AHNAK: variants seen among roughly 807,000 people sequenced by gnomAD.
AHNAK encodes AHNAK nucleoprotein.
In AHNAK, 23 loss-of-function variants were observed where a neutral mutation model predicts 37.8. The ratio of observed to expected loss-of-function variants is 0.61; its 90% CI spans 0.44 to 0.86. The LOEUF (loss-of-function observed/expected upper bound fraction) is 0.86. AHNAK is among the 40% of genes least tolerant of loss of function. The pLI is 0.00. For missense variants in AHNAK, 7,411 were observed against 7,319.4 expected (o/e 1.01, Z -0.46); for synonymous variants, 2,481 against 2,636.3 (o/e 0.94, Z 1.80).
Position 62,520,984 on chromosome 11 carries a change from T to G in AHNAK, c.13433A>C (p.Asp4478Ala). 6.2e-7 allele frequency: 1 copy of G among 1,614,122 alleles called. No homozygotes were observed. The highest frequency in any genetic ancestry group is 8.5e-7 in the Non-Finnish European group (1 of 1,180,022). The change falls in exon 5 of 5, where the codon GAT becomes GCT. Residue 4478 changes from aspartate (D) to alanine (A), a missense_variant. By Grantham distance (126) the Asp-to-Ala change is moderately radical. Transcript: ENST00000378024. The stretch of plus-strand genomic sequence containing the variant: ...ACTTTCCACCTTAGGTAGTGAAACA[T>G]CCACATCACCCTTCACCTTGGGACC... ...LKGPKVKGDV[D>A]VSLPKVESDL... is the part of the protein sequence containing the mutation.
intron 5 of AHNAK, among the ~76,000 whole-genome samples, chr11:62,456,298 A>G (rs1590596157): frequency 6.6e-6 from 1 of 152,208 alleles, no homozygotes; most frequent in South Asian, 2.1e-4. Flanking sequence ...AGCCCTCATC[A>G]TTGGCCTTTG....
intron 4 of AHNAK, among the ~76,000 whole-genome samples, chr11:62,498,614 A>AC (rs1565214919): frequency 3.3e-5 from 5 of 150,738 alleles, no homozygotes; most frequent in Non-Finnish European, 7.4e-5. Flanking sequence ...AAAAAAAAAA[A>AC]GAAATTTTTT....
chr11:62,454,947 G>A (rs1189977106), intron 5 of AHNAK, among the ~76,000 whole-genome samples: 1 of 109,084 alleles, frequency 9.2e-6, no homozygotes, highest in Admixed American at 1.0e-4. Context: ...TTTTTTTTTT[G>A]AGATGGAGTT....
Position 62,536,195 on chromosome 11 carries a change from G to T in AHNAK, c.1-97C>A, listed in dbSNP as rs1057066203. 6 of 1,365,874 alleles carry T rather than the reference G, an allele frequency of 4.4e-6. No homozygotes were observed. The African/African-American group carries it at 4.5e-5, about 10-fold the overall frequency. 84.6% of individuals were successfully genotyped at this position (1,365,874 alleles called of 1,614,324 possible). A position where few individuals can be genotyped will look rare whatever the true frequency, so the allele number is the denominator to read the frequency against. On this transcript the variant is annotated intron_variant, in intron 2 of 4. Transcript: ENST00000378024. ...AATCTCTGGCGCTGTGAACTCCAGG[G>T]AGTGGGGCCCTCAGCAATGCACCTG...
chr11:62,442,893 C>T (rs1938339098), intron 5 of AHNAK, among the ~76,000 whole-genome samples: 1 of 151,512 alleles, frequency 6.6e-6, no homozygotes, highest in Non-Finnish European at 1.5e-5. Flanking sequence ...AAATATTAAA[C>T]AAATTGTAGT....
chr11:62,531,295 A>C lies in AHNAK; in HGVS notation c.3122T>G (p.Leu1041Arg). 1 of 1,613,622 alleles carries C rather than the reference A, an allele frequency of 6.2e-7. No individual in the cohort carries two copies. ...APKVDTNAPD[L>R]SLEGPEGKLK... ...CTTCCCTTCAGGTCCTTCAAGGCTC[A>C]GATCTGGAGCATTAGTATCTACTTT... is the stretch of plus-strand genomic sequence containing the variant. The change falls in exon 5 of 5, where the codon CTG (leucine) becomes CGG (arginine). Residue 1041 changes from leucine (L) to arginine (R), a missense_variant. Transcript: ENST00000378024.
At chr11:62,433,666 T>C in exon 6 of AHNAK, 3 of 614,432 alleles carry the variant, frequency 4.9e-6, no homozygotes, top group Non-Finnish European at 8.5e-6. Flanking sequence ...AGTAAAGAAA[T>C]GCACCAAGCA....
Position 62,530,192 on chromosome 11 carries a change from C to A in AHNAK, c.4225G>T (p.Ala1409Ser). Residue 1409 changes from alanine to serine, a missense_variant, in exon 5 of 5, where the codon GCT becomes TCT. By Grantham distance (99) the Ala-to-Ser change is moderately conservative (BLOSUM62 1). Transcript: ENST00000378024. ...GPEVDVKLPK[A>S]DVDVSGPKMD... ...TTGGGTCCTGAGACATCAACGTCAG[C>A]TTTGGGCAGCTTCACATCCACTTCA... is the stretch of plus-strand genomic sequence containing the variant. The A allele has an allele frequency of 1.9e-6, 3 of 1,613,324 alleles. No individual in the cohort carries two copies. The highest frequency in any genetic ancestry group is 2.5e-6 in the Non-Finnish European group (3 of 1,179,876).
chr11:62,455,276 T>G (rs1327464698), intron 5 of AHNAK, among the ~76,000 whole-genome samples: 1 of 151,968 alleles, frequency 6.6e-6, no homozygotes, highest in African/African-American at 2.4e-5. Flanking sequence ...CTAGAAGGCC[T>G]GAAATGGCTT....
chr11:62,439,965 G>C (rs1938268631), intron 5 of AHNAK, among the ~76,000 whole-genome samples: 1 of 152,180 alleles, frequency 6.6e-6, no homozygotes, highest in Non-Finnish European at 1.5e-5. Context: ...ACTGTGCCCG[G>C]CCGCATTTGT....
At position 62,527,708 on chromosome 11, in the gene AHNAK, G is replaced by T. The variant is rs7112976; in HGVS notation, c.6709C>A (p.Pro2237Thr). ...IDAPDVDVHGPDWHLKMPKMK... is the reference protein window; with the variant it reads ...IDAPDVDVHGTDWHLKMPKMK... ...TTAGGCATCTTCAGGTGCCAGTCTG[G>T]GCCATGAACATCCACATCTGGGGCA... The change falls in exon 5 of 5, where the codon CCA (proline) becomes ACA (threonine). Residue 2237 changes from proline (P) to threonine (T), a missense_variant. Physicochemically the swap from Pro to Thr is conservative, Grantham distance 38 (BLOSUM62 -1). Coordinates refer to ENST00000378024, the MANE Select transcript of AHNAK (RefSeq NM_001620.3). 293 of 1,613,950 alleles carry T rather than the reference G, an allele frequency of 1.8e-4. 3 individuals carry two copies. In the African/African-American group the frequency reaches 3.6e-3, roughly 20 times the overall value.
chr11:62,525,505 T>G lies in AHNAK; in HGVS notation c.8912A>C (p.His2971Pro). ...PKIPMPDFDL[H>P]LKGPKVKGDV... ...GCCCTTCACCTTGGGACCTTTCAGATGCAAATCAAAGTCAGGCATGGGGAT... is the reference window on the plus strand; with the variant it reads ...GCCCTTCACCTTGGGACCTTTCAGAGGCAAATCAAAGTCAGGCATGGGGAT... Residue 2971 changes from histidine (H) to proline (P), a missense_variant, in exon 5 of 5, where the codon CAT (histidine) becomes CCT (proline). Transcript: ENST00000378024. 1.2e-6 allele frequency: 2 copies of G among 1,613,882 alleles called. No homozygotes were observed. Among genetic ancestry groups the G allele is most frequent in the Non-Finnish European group, 1.7e-6 (2 of 1,179,986 alleles).
At chr11:62,536,877 T>C (rs1348780278) in intron 1 of AHNAK, among the ~76,000 whole-genome samples, 2 of 152,076 alleles carry the variant, frequency 1.3e-5, no homozygotes, top group African/African-American at 4.8e-5. Flanking sequence ...GGAGAAAAAA[T>C]AGAGCACTGG....
chr11:62,464,138 T>C (rs1938854493), intron 5 of AHNAK, among the ~76,000 whole-genome samples: 2 of 150,950 alleles, frequency 1.3e-5, no homozygotes, highest in Admixed American at 1.3e-4. Flanking sequence ...AGTGATCCTC[T>C]CTCCTCAGCC....
In AHNAK at chr11:62,526,929, T is replaced by C; in HGVS notation, c.7488A>G (p.Val2496=). 3 of 1,614,188 alleles carry C rather than the reference T, an allele frequency of 1.9e-6. No homozygotes were observed. The highest frequency in any genetic ancestry group is 2.5e-6 in the Non-Finnish European group (3 of 1,180,016). Residue 2496 remains valine, a synonymous_variant, in exon 5 of 5, where the codon GTA becomes GTG. Coordinates refer to ENST00000378024, the MANE Select transcript of AHNAK (RefSeq NM_001620.3). The part of the protein sequence containing the change: ...DMNIRGPKVD[V]NAPDVQAPDW... ...CTGGAGCTTGGACATCGGGGGCATTTACATCAACTTTGGGGCCCCTGATGT... is the reference window on the plus strand; with the variant it reads ...CTGGAGCTTGGACATCGGGGGCATTCACATCAACTTTGGGGCCCCTGATGT...
In AHNAK at chr11:62,521,589, A is replaced by T. The variant is rs772674952; in HGVS notation, c.12828T>A (p.Asp4276Glu). 1 of 1,608,062 alleles carries T rather than the reference A, an allele frequency of 6.2e-7. No individual in the cohort carries two copies. Among genetic ancestry groups the T allele is most frequent in the African/African-American group, 1.4e-5 (1 of 72,936 alleles). The change falls in exon 5 of 5, where the codon GAT (aspartate) becomes GAA (glutamate). Residue 4276 changes from aspartate to glutamate, a missense_variant. Coordinates refer to ENST00000378024, the MANE Select transcript of AHNAK (RefSeq NM_001620.3). The part of the protein sequence containing the change: ...LKGPKVKGDV[D>E]VSLPKVEGDL... ...CACCTTCCACTTTAGGAAGGGAAAC[A>T]TCCACATCACCCTTCACCTTGGGAC...
At chr11:62,460,985 T>TA (rs1278854294) in intron 5 of AHNAK, among the ~76,000 whole-genome samples, 1 of 79,668 alleles carries the variant, frequency 1.3e-5, no homozygotes, top group East Asian at 3.0e-4. Flanking sequence ...CAGGCCTGGC[T>TA]AATTTTTTTT....
chr11:62,460,832 G>C (rs1413203798), intron 5 of AHNAK, among the ~76,000 whole-genome samples: 1 of 151,936 alleles, frequency 6.6e-6, no homozygotes, highest in Non-Finnish European at 1.5e-5. Flanking sequence ...TTTTATTTTT[G>C]AGATGGCGTC....
In AHNAK at chr11:62,532,993, G is replaced by C; in HGVS notation, c.1424C>G (p.Ala475Gly). 3 of 1,614,126 alleles carry C rather than the reference G, an allele frequency of 1.9e-6. No homozygotes were observed. The highest frequency in any genetic ancestry group is 2.5e-6 in the Non-Finnish European group (3 of 1,180,026). ...CATCTTTCCTTCCAGCCCACCAGTA[G>C]CAATCTCAGGCAGGCTGACATCCCC... ...VSGDVSLPEI[A>G]TGGLEGKMKG... The change falls in exon 5 of 5, where the codon GCT (alanine) becomes GGT (glycine). Residue 475 changes from alanine (A) to glycine (G), a missense_variant. By Grantham distance (60) the Ala-to-Gly change is moderately conservative. Coordinates refer to ENST00000378024, the MANE Select transcript of AHNAK (RefSeq NM_001620.3).
Sources: gnomAD v4.1 joint callset for allele counts (sites outside exome capture counted in the v4.1 genomes callset) on GRCh38, gnomAD v4.1.1 for gene constraint, MANE v1.5 for transcripts, NCBI Gene and HGNC (gene_info 2026-07-23, HGNC 2026-07-21) for gene names.